NBPF8: variants seen among roughly 807,000 people sequenced by gnomAD.
The protein encoded by NBPF8 is NBPF family member NBPF8.
chr1:120,465,565 C>T (rs1661717437), intron 24 of NBPF8, among the ~76,000 whole-genome samples, 194 bp downstream of exon 22: 1 of 131,484 alleles, frequency 7.6e-6, no homozygotes, highest in African/African-American at 3.3e-5. Flanking sequence ...CCTAACGTAC[C>T]ATAGGTTGAC....
intron 3 of NBPF8, among the ~76,000 whole-genome samples, chr1:120,429,127 T>G (rs4119188): frequency 0.047 from 6,377 of 136,312 alleles, no homozygotes; most frequent in African/African-American, 0.18. Context: ...TAGTTAGGTT[T>G]AGCAGTGGGG....
chr1:120,430,620 G>T (rs2101560465), intron 3 of NBPF8, among the ~76,000 whole-genome samples: 1 of 146,424 alleles, frequency 6.8e-6, no homozygotes, highest in East Asian at 1.9e-4. Flanking sequence ...TAGGCGTGGT[G>T]GCATGTGCCT....
At chr1:120,450,569 ATTAG>A (rs1213037385) in intron 11 of NBPF8, among the ~76,000 whole-genome samples, 2 of 152,218 alleles carry the variant, frequency 1.3e-5, no homozygotes, top group Non-Finnish European at 2.9e-5. Flanking sequence ...AACACTATCT[ATTAG>A]TTCTTCATTC....
chr1:120,435,582 G>A (rs1219652737), upstream of NBPF8, among the ~76,000 whole-genome samples: 5 of 145,418 alleles, frequency 3.4e-5, no homozygotes, highest in Non-Finnish European at 7.5e-5. Context: ...GGTGGCTCAC[G>A]CCTGTAATCC....
intron 1 of NBPF8, among the ~76,000 whole-genome samples, chr1:120,425,416 G>A (rs1271527801): frequency 6.6e-6 from 1 of 152,018 alleles, no homozygotes; most frequent in Non-Finnish European, 1.5e-5. Flanking sequence ...CAAAAGCACA[G>A]CACTTTTTTC....
In NBPF8 at chr1:120,454,300, A is replaced by C. The variant is rs1661372903; in HGVS notation, n.2568+186A>C. Among the ~76,000 whole-genome samples, 5 of 152,256 alleles carry C rather than the reference A, an allele frequency of 3.3e-5. 1 individual carries two copies. The South Asian group carries it at 1.0e-3, about 32-fold the overall frequency. ...ACTTTGTCTGCCAGTCCCCAGTATC[A>C]AGTTACTCAACCCCAGGCAAGTGTG... On this transcript the variant is annotated intron_variant and non_coding_transcript_variant, in intron 15 of 24. Transcript: ENST00000583271.
At chr1:120,415,302 G>T (rs1553244949), upstream of NBPF8, among the ~76,000 whole-genome samples, 302 of 152,264 alleles carry the variant, frequency 2.0e-3, no homozygotes, top group African/African-American at 6.9e-3. Flanking sequence ...AGGCCGGGGG[G>T]CGGTGAGTCC....
chr1:120,452,038 T>A (rs1661289820), intron 12 of NBPF8, 79 bp from the exon 11 acceptor site: 1 of 1,424,160 alleles, frequency 7.0e-7, no homozygotes, highest in Non-Finnish European at 9.9e-7. Flanking sequence ...GGACATTGTC[T>A]CAGAAGTCTC....
chr1:120,415,313 G>A (rs1660399771), upstream of NBPF8, among the ~76,000 whole-genome samples: 1 of 152,014 alleles, frequency 6.6e-6, no homozygotes, highest in African/African-American at 2.4e-5. Context: ...CGGTGAGTCC[G>A]GGACCCGCGG....
chr1:120,428,646 C>G (rs1266969543), intron 3 of NBPF8, among the ~76,000 whole-genome samples: 2 of 152,184 alleles, frequency 1.3e-5, no homozygotes, highest in South Asian at 2.1e-4. Context: ...GAGCAGCCGA[C>G]AGTGGCTGAT....
downstream of NBPF8, among the ~76,000 whole-genome samples, chr1:120,468,666 A>G (rs1376183444): frequency 4.1e-5 from 6 of 146,046 alleles, no homozygotes; most frequent in Non-Finnish European, 7.5e-5. Flanking sequence ...CTGCATTTCC[A>G]AGATTGGCAC....
intron 15 of NBPF8, among the ~76,000 whole-genome samples, 183 bp from the exon 14 acceptor site, chr1:120,455,226 C>T (rs1193197215): frequency 3.1e-4 from 47 of 152,164 alleles, no homozygotes; most frequent in African/African-American, 1.0e-3. Context: ...GCCTGTGGGT[C>T]TGGAAAGCAG....
Position 120,453,655 on chromosome 1 carries a change from T to C in NBPF8, n.2362+211T>C, listed in dbSNP as rs1425223902. ...CATGTCTGTACCGTACAGGGATAGC[T>C]GAGTCTTCATCCTCCTCAGCTCCTA... is the stretch of plus-strand genomic sequence containing the variant. On this transcript the variant is annotated intron_variant and non_coding_transcript_variant, in intron 14 of 24. Coordinates refer to ENST00000583271, the Ensembl canonical transcript of NBPF8. Among the ~76,000 whole-genome samples the C allele has an allele frequency of 6.8e-3, 1,034 of 151,764 alleles. 5 individuals carry two copies. Among genetic ancestry groups the C allele is most frequent in the Non-Finnish European group, 0.011 (733 of 67,988 alleles).
chr1:120,468,376 G>T (rs1378831317), downstream of NBPF8, among the ~76,000 whole-genome samples: 3,383 of 143,772 alleles, frequency 0.024, no homozygotes, highest in Middle Eastern at 0.035. Context: ...AGGGAATCAG[G>T]TCTCGCTGAG....
chr1:120,452,570 A>C (rs1394995134), intron 13 of NBPF8, among the ~76,000 whole-genome samples: 1 of 152,182 alleles, frequency 6.6e-6, no homozygotes, highest in African/African-American at 2.4e-5. Context: ...AGCAAGAGGC[A>C]GCATCTGTCT....
exon 1 of NBPF8, chr1:120,436,425 G>T: frequency 8.3e-7 from 1 of 1,200,872 alleles, no homozygotes; most frequent in Non-Finnish European, 1.2e-6. Flanking sequence ...CCTCAGTCCT[G>T]ATTAAACCTA....
At chr1:120,422,542 C>G (rs1370267290) in intron 1 of NBPF8, among the ~76,000 whole-genome samples, 1 of 117,024 alleles carries the variant, frequency 8.5e-6, no homozygotes, top group Non-Finnish European at 1.8e-5. Flanking sequence ...AGTTCCTCCA[C>G]GTCTTTTCAT....
chr1:120,428,429 C>G (rs1225879147), intron 3 of NBPF8, among the ~76,000 whole-genome samples: 3 of 152,046 alleles, frequency 2.0e-5, no homozygotes, highest in Non-Finnish European at 2.9e-5. Context: ...TTTCAACCTA[C>G]AGGGGAGATA....
At chr1:120,453,526 G>C (rs1553249228) in intron 14 of NBPF8, 82 bp downstream of exon 12, 1 of 1,201,396 alleles carries the variant, frequency 8.3e-7, no homozygotes, top group East Asian at 2.3e-5. Context: ...TGGCATCTAT[G>C]ATGGGTCAAA....
Sources: allele counts gnomAD v4.1 joint callset (sites outside exome capture counted in the v4.1 genomes callset), GRCh38; gene constraint gnomAD v4.1.1; transcripts MANE v1.5; gene names NCBI Gene and HGNC (gene_info 2026-07-23, HGNC 2026-07-21).